VWA3B: variants seen among roughly 807,000 people sequenced by gnomAD.
The protein encoded by VWA3B is von Willebrand factor A domain containing 3B, also known as von Willebrand factor A domain-containing protein 3B.
VWA3B carries 138 observed loss-of-function variants against 158.3 expected under a neutral mutation model. The ratio of observed to expected loss-of-function variants is 0.87; its 90% CI spans 0.76 to 1.00. VWA3B has a LOEUF of 1.00. Ranked by LOEUF, VWA3B falls within the 50% of genes least tolerant of loss-of-function variation. The pLI is 0.00. For synonymous variants in VWA3B, 596 were observed against 587.3 expected, an observed-to-expected ratio of 1.01 and a Z score of -0.21; for missense variants, 1,555 against 1,565.1, an observed-to-expected ratio of 0.99 and a Z score of 0.11.
chr2:98,189,156 C>T (rs1397565767), intron 10 of VWA3B, among the ~76,000 whole-genome samples: 3 of 152,212 alleles, frequency 2.0e-5, no homozygotes, highest in African/African-American at 7.2e-5. Flanking sequence ...CGCCTGTAAT[C>T]CCAGCACCTT....
intron 24 of VWA3B, 134 bp downstream of exon 24, chr2:98,298,165 G>T: frequency 1.7e-6 from 2 of 1,192,824 alleles, no homozygotes; most frequent in Non-Finnish European, 2.2e-6. Context: ...GTTTGGGCAG[G>T]AAGAACAATG....
At chr2:98,273,692 A>G (rs1254421687) in intron 22 of VWA3B, among the ~76,000 whole-genome samples, 1 of 152,184 alleles carries the variant, frequency 6.6e-6, no homozygotes, top group Non-Finnish European at 1.5e-5. Context: ...CACTGGGAGT[A>G]CCTAGAACAC....
intron 6 of VWA3B, 51 bp from the exon 7 acceptor site, chr2:98,133,773 G>T (rs1676044664): frequency 6.6e-7 from 1 of 1,515,852 alleles, no homozygotes; most frequent in African/African-American, 1.4e-5. Flanking sequence ...GAACAAGCAT[G>T]CACGGACACC....
At chr2:98,193,483 T>A (rs1355088055) in intron 11 of VWA3B, among the ~76,000 whole-genome samples, 1 of 152,196 alleles carries the variant, frequency 6.6e-6, no homozygotes, top group East Asian at 1.9e-4. Context: ...CCAAGTGCCC[T>A]AAATCCTAGT....
intron 19 of VWA3B, among the ~76,000 whole-genome samples, chr2:98,240,538 C>T (rs11891512): frequency 0.81 from 122,564 of 152,152 alleles, 49,713 homozygotes; most frequent in South Asian, 0.9. Context: ...CCCAAATTCA[C>T]TGTACATTTT....
intron 8 of VWA3B, among the ~76,000 whole-genome samples, chr2:98,167,031 T>G (rs891251142): frequency 6.6e-6 from 1 of 152,134 alleles, no homozygotes; most frequent in East Asian, 1.9e-4. Context: ...AGGCAAAGGC[T>G]GGGTCAGTTC....
intron 8 of VWA3B, among the ~76,000 whole-genome samples, chr2:98,170,269 G>C (rs969689308): frequency 6.6e-6 from 1 of 152,160 alleles, no homozygotes. Context: ...TTGTGACTCA[G>C]TAGAAATCAT....
At chr2:98,166,402 C>G (rs1558625563) in intron 8 of VWA3B, among the ~76,000 whole-genome samples, 1 of 152,068 alleles carries the variant, frequency 6.6e-6, no homozygotes, top group African/African-American at 2.4e-5. Flanking sequence ...AAAGGAGGGC[C>G]CTAATCTGAT....
chr2:98,323,163 T>A, the VWA3B span, among the ~76,000 whole-genome samples: 4 of 152,162 alleles, frequency 2.6e-5, no homozygotes, highest in Admixed American at 2.6e-4. Context: ...TTCCAGTTGT[T>A]GTATAGCAGA....
chr2:98,180,897 A>G, intron 8 of VWA3B, 119 bp from the exon 9 acceptor site: 1 of 1,055,304 alleles, frequency 9.5e-7, no homozygotes, highest in Non-Finnish European at 1.3e-6. Context: ...TGTTTTCTGA[A>G]ATGAAACATG....
chr2:98,211,697 A>C (rs901120070), intron 12 of VWA3B, among the ~76,000 whole-genome samples: 1 of 152,250 alleles, frequency 6.6e-6, no homozygotes, highest in Non-Finnish European at 1.5e-5. Flanking sequence ...TCAAGACAGG[A>C]AATCCACAGT....
chr2:98,194,151 T>C (rs1681832709), intron 11 of VWA3B, among the ~76,000 whole-genome samples: 1 of 152,158 alleles, frequency 6.6e-6, no homozygotes, highest in South Asian at 2.1e-4. Flanking sequence ...TAATCATATA[T>C]ACATTTGTAA....
intron 13 of VWA3B, among the ~76,000 whole-genome samples, chr2:98,215,608 C>T (rs1257641778): frequency 1.3e-5 from 2 of 150,272 alleles, no homozygotes; most frequent in East Asian, 4.0e-4. Context: ...AGCTCCACCT[C>T]CCGGGTTCAC....
the VWA3B span, among the ~76,000 whole-genome samples, chr2:98,320,487 C>A: frequency 6.6e-6 from 1 of 152,132 alleles, no homozygotes; most frequent in Admixed American, 6.5e-5. Context: ...CAGAAAAAGA[C>A]AGGAAAATGT....
At chr2:98,276,842 C>T (rs1007254167) in intron 22 of VWA3B, among the ~76,000 whole-genome samples, 4 of 152,212 alleles carry the variant, frequency 2.6e-5, no homozygotes, top group African/African-American at 9.7e-5. Flanking sequence ...ATGACCGGGG[C>T]TTTCTGATAC....
rs971363620 is a variant in VWA3B, at chr2:98,179,500, G to C, written c.1115-1516G>C. 1.9e-4 allele frequency among the ~76,000 whole-genome samples: 29 copies of C among 152,304 alleles called. 1 individual carries two copies. The highest frequency in any genetic ancestry group is 2.1e-4 in the South Asian group (1 of 4,830). On this transcript the variant is annotated intron_variant, in intron 8 of 27. Transcript: ENST00000477737. ...CCTGCAGGGTGGAAAGCCAGGCTGT[G>C]AGTCAGGACACACTCACCAAGGTAA...
chr2:98,220,910 A>C (rs1313043197), intron 14 of VWA3B, among the ~76,000 whole-genome samples: 1 of 152,112 alleles, frequency 6.6e-6, no homozygotes, highest in Non-Finnish European at 1.5e-5. Flanking sequence ...TATAAGTGGG[A>C]GCCGAACAAT....
chr2:98,168,420 CA>C (rs1679292347), intron 8 of VWA3B, among the ~76,000 whole-genome samples: 2 of 149,716 alleles, frequency 1.3e-5, no homozygotes, highest in South Asian at 4.3e-4. Flanking sequence ...AACTAAAACC[CA>C]AAATAACTCT....
At chr2:98,160,968 G>C (rs1573942544) in intron 7 of VWA3B, among the ~76,000 whole-genome samples, 1 of 152,122 alleles carries the variant, frequency 6.6e-6, no homozygotes, top group Non-Finnish European at 1.5e-5. Flanking sequence ...TACCCTTCTT[G>C]ACTATATTTT....
Sources: allele counts gnomAD v4.1 joint callset (sites outside exome capture counted in the v4.1 genomes callset), GRCh38; gene constraint gnomAD v4.1.1; transcripts MANE v1.5; gene names NCBI Gene and HGNC (gene_info 2026-07-23, HGNC 2026-07-21).